PIK3R6: variants seen among roughly 807,000 people sequenced by gnomAD.
PIK3R6 encodes the protein phosphoinositide 3-kinase regulatory subunit 6.
PIK3R6 carries 91 observed loss-of-function variants against 84.9 expected under a neutral mutation model. That is an observed-to-expected ratio of 1.07 (90% CI 0.90 to 1.28). The LOEUF (loss-of-function observed/expected upper bound fraction) is 1.28, where lower values mean the gene tolerates loss of function less well. Among genes scored for constraint, PIK3R6 ranks in the 50% most tolerant of loss-of-function variants. The pLI is 0.00. For missense variants in PIK3R6, 996 were observed against 985.1 expected, an observed-to-expected ratio of 1.01 and a Z score of -0.15; for synonymous variants, 416 against 411.4, an observed-to-expected ratio of 1.01 and a Z score of -0.13.
At chr17:8,851,364 TG>T (rs2088960453) in intron 1 of PIK3R6, among the ~76,000 whole-genome samples, 1 of 151,650 alleles carries the variant, frequency 6.6e-6, no homozygotes, top group Non-Finnish European at 1.5e-5. Context: ...GGCGTGGTGG[TG>T]GGCGCCTGTA....
At chr17:8,866,582 C>T (rs2089419126) in intron 1 of PIK3R6, among the ~76,000 whole-genome samples, 1 of 151,994 alleles carries the variant, frequency 6.6e-6, no homozygotes, top group African/African-American at 2.4e-5. Context: ...CTCCACACAC[C>T]CCCTCTAGCT....
At chr17:8,865,188 G>T (rs927961447) in intron 1 of PIK3R6, among the ~76,000 whole-genome samples, 5 of 152,116 alleles carry the variant, frequency 3.3e-5, no homozygotes, top group African/African-American at 1.2e-4. Context: ...CCTGGCTCAG[G>T]TTCAGAGTTT....
intron 1 of PIK3R6, among the ~76,000 whole-genome samples, chr17:8,855,417 T>G (rs2089111294): frequency 6.6e-6 from 1 of 151,772 alleles, no homozygotes; most frequent in Non-Finnish European, 1.5e-5. Flanking sequence ...AATAAATACT[T>G]TACTAAAAAA....
At chr17:8,820,924 C>T (rs1384389745) in intron 17 of PIK3R6, among the ~76,000 whole-genome samples, 3 of 152,154 alleles carry the variant, frequency 2.0e-5, no homozygotes, top group South Asian at 2.1e-4. Context: ...ATTTTCATTC[C>T]GTATTTCTTC....
chr17:8,821,914 C>A lies in PIK3R6; in HGVS notation c.1811G>T (p.Arg604Leu), dbSNP rs199606703. ...YQKALLSHRP[R>L]EVTVSLRATG... ...GGCCCGCAGGGAAACGGTGACCTCT[C>A]GGGGCCGGTGGCTAAGCAAGGCCTG... The change falls in exon 17 of 20, where the codon CGA becomes CTA. Residue 604 changes from arginine to leucine, a missense_variant. By Grantham distance (102) the Arg-to-Leu change is moderately radical. Transcript: ENST00000619866. 9 of 1,588,762 alleles carry A rather than the reference C, an allele frequency of 5.7e-6. No homozygotes were observed. The Admixed American group carries it at 1.2e-4, about 22-fold the overall frequency.
At chr17:8,808,146 T>C (rs1320872143) in intron 18 of PIK3R6, among the ~76,000 whole-genome samples, 2 of 152,094 alleles carry the variant, frequency 1.3e-5, no homozygotes, top group African/African-American at 4.8e-5. Context: ...GATTGGTTAA[T>C]GATGGTACCA....
At chr17:8,819,397 T>A (rs934636217) in intron 17 of PIK3R6, among the ~76,000 whole-genome samples, 199 bp from the exon 18 acceptor site, 7 of 152,046 alleles carry the variant, frequency 4.6e-5, no homozygotes, top group African/African-American at 1.7e-4. Context: ...CCCTGGTGAA[T>A]CCACAAGTTT....
intron 11 of PIK3R6, 67 bp from the exon 12 acceptor site, chr17:8,828,257 C>A: frequency 6.6e-7 from 1 of 1,506,186 alleles, no homozygotes; most frequent in Non-Finnish European, 9.2e-7. Context: ...CTCGGCTCTG[C>A]TATTTGTTAT....
intron 9 of PIK3R6, among the ~76,000 whole-genome samples, chr17:8,830,687 C>G (rs889332608): frequency 1.1e-4 from 16 of 152,214 alleles, no homozygotes; most frequent in African/African-American, 3.9e-4. Flanking sequence ...GGTTGAATAA[C>G]TGGCCCAAGG....
chr17:8,829,834 T>C lies in PIK3R6; in HGVS notation c.803-42A>G, dbSNP rs542713833. On this transcript the variant is annotated intron_variant, in intron 9 of 19. Transcript: ENST00000619866. ...GCTGTGGAGGCCATGGAGGAGGCCATGGGACCCTCCTCTGCCCTCCCCATC... is the reference window on the plus strand; with the variant it reads ...GCTGTGGAGGCCATGGAGGAGGCCACGGGACCCTCCTCTGCCCTCCCCATC... 40 of 1,497,778 alleles carry C rather than the reference T, an allele frequency of 2.7e-5. 1 individual carries two copies. In the Admixed American group the frequency reaches 7.7e-4, roughly 29 times the overall value. The allele number at this position is 1,497,778 out of a possible 1,614,324, so 92.8% of individuals were successfully genotyped here. A position where few individuals can be genotyped will look rare whatever the true frequency, so the allele number is the denominator to read the frequency against.
Position 8,828,912 on chromosome 17 carries a change from C to A in PIK3R6, c.968G>T (p.Gly323Val). The change falls in exon 11 of 20, where the codon GGC becomes GTC. Residue 323 changes from glycine to valine, a missense_variant. By Grantham distance (109) the Gly-to-Val change is moderately radical. Transcript: ENST00000619866. ...SADLEVLDLQ[G>V]LRPDRELARV... is the part of the protein sequence containing the mutation. ...GGCCAACTCCCGGTCCGGCCGGAGG[C>A]CCTGCAGATCCAAGACCTCCAAGTC... 1 of 1,540,190 alleles carries A rather than the reference C, an allele frequency of 6.5e-7. No individual in the cohort carries two copies. The highest frequency in any genetic ancestry group is 8.7e-7 in the Non-Finnish European group (1 of 1,144,562).
chr17:8,823,201 C>G, intron 14 of PIK3R6, 115 bp from the exon 15 acceptor site: 1 of 898,858 alleles, frequency 1.1e-6, no homozygotes, highest in Non-Finnish European at 1.8e-6. Context: ...AGACCTACTT[C>G]TTGGATTTGA....
chr17:8,851,552 A>G (rs1179728665), intron 1 of PIK3R6, among the ~76,000 whole-genome samples: 1 of 152,152 alleles, frequency 6.6e-6, no homozygotes, highest in Non-Finnish European at 1.5e-5. Context: ...AATAACAAGC[A>G]TTGGCAAGGA....
chr17:8,829,493 C>A (rs995978970), intron 10 of PIK3R6, among the ~76,000 whole-genome samples: 3 of 121,142 alleles, frequency 2.5e-5, no homozygotes, highest in African/African-American at 1.1e-4. Flanking sequence ...CACGCATACA[C>A]ACACACTGAC....
chr17:8,835,316 A>G lies in PIK3R6; in HGVS notation c.602T>C (p.Leu201Pro). The G allele has an allele frequency of 6.2e-7, 1 of 1,600,630 alleles. No individual in the cohort carries two copies. Among genetic ancestry groups the G allele is most frequent in the Non-Finnish European group, 8.5e-7 (1 of 1,171,562 alleles). ...HVVSHALQAA[L>P]GEACHAGALH... ...AGCGCCTGCGTGACAGGCCTCCCCC[A>G]GAGCCGCCTGCAGGGCGTGGGAGAC... is the stretch of plus-strand genomic sequence containing the variant. The change falls in exon 8 of 20, where the codon CTG becomes CCG. Residue 201 changes from leucine (L) to proline (P), a missense_variant. By Grantham distance (98) the Leu-to-Pro change is moderately conservative. Coordinates refer to ENST00000619866, the MANE Select transcript of PIK3R6 (RefSeq NM_001010855.4).
chr17:8,821,207 A>T (rs1312248994), intron 17 of PIK3R6, among the ~76,000 whole-genome samples: 1 of 152,182 alleles, frequency 6.6e-6, no homozygotes, highest in East Asian at 1.9e-4. Context: ...TAAGGAACAT[A>T]GGCTCTTGCA....
rs183660337 is a variant in PIK3R6, at chr17:8,810,795, G to C, written c.1996-6642C>G. Reference sequence around the variant, plus strand: ...GGTTCCCATGGTCTTGGACAGCTCTGCCCCTATGGCTTTGCAGGGTTCTGC... The same window carrying C: ...GGTTCCCATGGTCTTGGACAGCTCTCCCCCTATGGCTTTGCAGGGTTCTGC... On this transcript the variant is annotated intron_variant, in intron 18 of 19. Coordinates refer to ENST00000619866, the MANE Select transcript of PIK3R6 (RefSeq NM_001010855.4). 8.9e-4 allele frequency among the ~76,000 whole-genome samples: 132 copies of C among 148,844 alleles called. 13 individuals carry two copies. Among genetic ancestry groups the C allele is most frequent in the African/African-American group, 3.1e-3 (123 of 40,046 alleles).
Position 8,842,442 on chromosome 17 carries a change from T to G in PIK3R6, c.14-2745A>C, listed in dbSNP as rs149209372. Among the ~76,000 whole-genome samples the G allele has an allele frequency of 3.9e-5, 6 of 152,260 alleles. No homozygotes were observed. In the East Asian group the frequency reaches 9.7e-4, roughly 25 times the overall value. ...GACCCTTCTTCCTTTTCTCCTTCATTTGGAGTCAGATTTGCACCAGGGTCT... is the reference window on the plus strand; with the variant it reads ...GACCCTTCTTCCTTTTCTCCTTCATGTGGAGTCAGATTTGCACCAGGGTCT... On this transcript the variant is annotated intron_variant, in intron 2 of 19. Coordinates refer to ENST00000619866, the MANE Select transcript of PIK3R6 (RefSeq NM_001010855.4). The surrounding 1 kb of genome is among the most constrained non-coding windows in gnomAD (Gnocchi z 4.5).
chr17:8,823,212 G>T, intron 14 of PIK3R6, 126 bp from the exon 15 acceptor site: 1 of 846,558 alleles, frequency 1.2e-6, no homozygotes, highest in Non-Finnish European at 1.9e-6. Flanking sequence ...TTGGATTTGA[G>T]GTCTTGAAGT....
Sources: allele counts gnomAD v4.1 joint callset (sites outside exome capture counted in the v4.1 genomes callset), GRCh38; gene constraint gnomAD v4.1.1; non-coding constraint Gnocchi (gnomAD v3.1); transcripts MANE v1.5; gene names NCBI Gene and HGNC (gene_info 2026-07-23, HGNC 2026-07-21).